The following FMN1 variants were observed in gnomAD, a reference collection of about 807,000 sequenced individuals.
The protein encoded by FMN1 is formin-1.
Under a neutral mutation model 132.4 loss-of-function variants are expected in FMN1, and 110 were observed. The observed-to-expected ratio is 0.83, with a 90% confidence interval of 0.71 to 0.97. FMN1 has a LOEUF of 0.97. Among genes scored for constraint, FMN1 ranks in the 50% least tolerant of loss-of-function variants. The probability of loss-of-function intolerance (pLI) is 0.00; values close to 1 mark genes in which losing one functional copy is unlikely to be tolerated. For missense variants in FMN1, 1,792 were observed against 1,705.3 expected, an observed-to-expected ratio of 1.05 and a Z score of -0.90; for synonymous variants, 722 against 651.7, an observed-to-expected ratio of 1.11 and a Z score of -1.64.
At chr15:33,070,885 G>C (rs1457264178) in intron 5 of FMN1, among the ~76,000 whole-genome samples, 2 of 152,112 alleles carry the variant, frequency 1.3e-5, no homozygotes, top group Non-Finnish European at 2.9e-5. Flanking sequence ...TCTTTTTCCT[G>C]CTAGAGAACC....
intron 17 of FMN1, among the ~76,000 whole-genome samples, chr15:32,820,484 G>GC (rs528924127): frequency 1.1e-3 from 164 of 152,032 alleles, no homozygotes; most frequent in Non-Finnish European, 1.8e-3. Context: ...CCCCCTGATA[G>GC]CCCTCTGCAT....
chr15:33,127,164 A>C (rs967993738), intron 4 of FMN1, among the ~76,000 whole-genome samples: 2 of 134,340 alleles, frequency 1.5e-5, no homozygotes, highest in African/African-American at 5.1e-5. Flanking sequence ...ACATTCTCTC[A>C]AACAGAGAGG....
Position 32,798,823 on chromosome 15 carries a change from T to G in FMN1, c.4111A>C (p.Lys1371Gln). Residue 1371 changes from lysine (K) to glutamine (Q), a missense_variant, in exon 19 of 21, where the codon AAA becomes CAA. Physicochemically the swap from Lys to Gln is moderately conservative, Grantham distance 53. Around this residue, in one of 3 missense-constraint regions of FMN1, gnomAD observed 1,150 missense variants for 1,043.1 expected, o/e 1.10. Transcript: ENST00000616417. ...DFKTIWKRES[K>Q]NISKERLKMA... is the part of the protein sequence containing the mutation. The stretch of plus-strand genomic sequence containing the variant: ...CCTTACCTTTCTTTAGATATGTTTT[T>G]ACTCTCCCGTTTCCAAATTGTCTTG... 1.2e-6 allele frequency: 2 copies of G among 1,613,012 alleles called. No homozygotes were observed. Among genetic ancestry groups the G allele is most frequent in the Non-Finnish European group, 1.7e-6 (2 of 1,179,480 alleles).
chr15:32,977,498 G>C (rs1567496088), intron 7 of FMN1, among the ~76,000 whole-genome samples: 1 of 152,166 alleles, frequency 6.6e-6, no homozygotes, highest in Non-Finnish European at 1.5e-5. Context: ...TCAAAGACTT[G>C]AGTTCTATTC....
chr15:33,057,684 T>G (rs1002457008), intron 6 of FMN1, among the ~76,000 whole-genome samples: 1 of 152,206 alleles, frequency 6.6e-6, no homozygotes, highest in African/African-American at 2.4e-5. Flanking sequence ...CCTACTTTCC[T>G]TTCCCTCTGA....
chr15:32,887,820 T>G (rs2059930867), intron 16 of FMN1, among the ~76,000 whole-genome samples: 1 of 152,192 alleles, frequency 6.6e-6, no homozygotes, highest in Non-Finnish European at 1.5e-5. Flanking sequence ...GTAAAATGGG[T>G]TTAGTGTAGT....
At chr15:33,004,614 G>C (rs1182247371) in intron 7 of FMN1, among the ~76,000 whole-genome samples, 4 of 152,198 alleles carry the variant, frequency 2.6e-5, no homozygotes. Context: ...TTCAACCATT[G>C]TGGAAGTCAG....
rs139537514 is a variant in FMN1, at chr15:32,937,018, G to A, written c.3139-10757C>T. Among the ~76,000 whole-genome samples the A allele has an allele frequency of 4.3e-3, 662 of 152,218 alleles. 5 individuals carry two copies. The highest frequency in any genetic ancestry group is 0.015 in the African/African-American group (634 of 41,544). ...CAAGACAGAAATCAGTCTCTTGGGC[G>A]GCCCTCTGAAAAGCCAGAGCATTGG... is the stretch of plus-strand genomic sequence containing the variant. On this transcript the variant is annotated intron_variant, in intron 9 of 20. Transcript: ENST00000616417.
intron 19 of FMN1, among the ~76,000 whole-genome samples, chr15:32,778,762 G>A (rs2056572357): frequency 6.6e-6 from 1 of 152,052 alleles, no homozygotes; most frequent in Non-Finnish European, 1.5e-5. Context: ...TTTCCAAAAC[G>A]TTAAGCACAG....
At chr15:33,109,065 T>G (rs879735513) in intron 4 of FMN1, among the ~76,000 whole-genome samples, 338 of 152,216 alleles carry the variant, frequency 2.2e-3, no homozygotes, top group Non-Finnish European at 3.9e-3. Flanking sequence ...AACTTTACCA[T>G]TTATAACCTA....
At chr15:33,050,391 G>C (rs903346812) in intron 6 of FMN1, among the ~76,000 whole-genome samples, 1 of 149,526 alleles carries the variant, frequency 6.7e-6, no homozygotes, top group African/African-American at 2.5e-5. Context: ...AATGATAAAA[G>C]GATTTTTTTT....
intron 4 of FMN1, among the ~76,000 whole-genome samples, chr15:33,089,298 T>C (rs2038820282): frequency 6.6e-6 from 1 of 152,168 alleles, no homozygotes; most frequent in South Asian, 2.1e-4. Context: ...TCAGGAGGTC[T>C]GGCCTGCTGG....
rs771621027 is a variant in FMN1, at chr15:33,067,301, T to C, written c.2044-2227A>G. ...TGCACAGAGCTCTGCACCATTCATTTCCCCAGTGACAGTATTTTCCCTGAA... is the reference window on the plus strand; with the variant it reads ...TGCACAGAGCTCTGCACCATTCATTCCCCCAGTGACAGTATTTTCCCTGAA... On this transcript the variant is annotated intron_variant, in intron 5 of 20. Coordinates refer to ENST00000616417, the MANE Select transcript of FMN1 (RefSeq NM_001277313.2). 1.8e-5 allele frequency: 29 copies of C among 1,613,786 alleles called. No homozygotes were observed. The South Asian group carries it at 3.2e-4, about 18-fold the overall frequency.
At chr15:32,885,833 C>CT (rs1427966959) in intron 16 of FMN1, among the ~76,000 whole-genome samples, 16 of 150,958 alleles carry the variant, frequency 1.1e-4, no homozygotes, top group Non-Finnish European at 1.6e-4. Context: ...AAGACTCTGC[C>CT]TGCCTGGAGA....
At chr15:32,848,898 C>T (rs144366569) in intron 17 of FMN1, among the ~76,000 whole-genome samples, 1 of 150,908 alleles carries the variant, frequency 6.6e-6, no homozygotes, top group Non-Finnish European at 1.5e-5. Context: ...AACATAGGTA[C>T]TAACTAGCAG....
intron 9 of FMN1, among the ~76,000 whole-genome samples, chr15:32,939,617 G>C (rs1280016877): frequency 2.0e-5 from 3 of 152,026 alleles, no homozygotes; most frequent in Non-Finnish European, 4.4e-5. Context: ...TTATTAGTAA[G>C]CTAACTTTTA....
chr15:33,076,459 G>T (rs530319165), intron 5 of FMN1, among the ~76,000 whole-genome samples: 2 of 152,064 alleles, frequency 1.3e-5, no homozygotes, highest in African/African-American at 2.4e-5. Flanking sequence ...GAACTCCAAA[G>T]ATCCAGGTAT....
Position 33,008,201 on chromosome 15 carries a change from G to A in FMN1, c.2162-126C>T, listed in dbSNP as rs1231681367. ...ACAATTTGACATCAACCTTACAAGA[G>A]ATGTTAAAAATTACAGAAAGATAGG... On this transcript the variant is annotated intron_variant, in intron 6 of 20. Coordinates refer to ENST00000616417, the MANE Select transcript of FMN1 (RefSeq NM_001277313.2). 9.1e-5 allele frequency: 67 copies of A among 736,640 alleles called. No homozygotes were observed. The South Asian group carries it at 1.1e-3, about 12-fold the overall frequency. The allele number at this position is 736,640 out of a possible 1,614,324, so 45.6% of individuals were successfully genotyped here. A position where few individuals can be genotyped will look rare whatever the true frequency, so the allele number is the denominator to read the frequency against.
intron 8 of FMN1, among the ~76,000 whole-genome samples, chr15:32,965,845 C>T (rs912524842): frequency 1.3e-5 from 2 of 152,136 alleles, no homozygotes; most frequent in African/African-American, 4.8e-5. Context: ...TTACCCAACC[C>T]AAGGGCTAGA....
Sources: gnomAD v4.1 joint callset for allele counts (sites outside exome capture counted in the v4.1 genomes callset) on GRCh38, gnomAD v4.1.1 for gene constraint, gnomAD v4.1.1 regional missense constraint, MANE v1.5 for transcripts, NCBI Gene and HGNC (gene_info 2026-07-23, HGNC 2026-07-21) for gene names.